CTTNBP2NL: variants seen among roughly 807,000 people sequenced by gnomAD.
CTTNBP2NL encodes CTTNBP2 N-terminal-like protein.
CTTNBP2NL carries 16 observed loss-of-function variants against 32.5 expected under a neutral mutation model. The ratio of observed to expected loss-of-function variants is 0.49; its 90% confidence interval spans 0.33 to 0.75. The LOEUF is 0.75. CTTNBP2NL is among the 30% of genes least tolerant of loss of function. CTTNBP2NL has a pLI of 0.02. For missense variants in CTTNBP2NL, 645 were observed against 756.0 expected (o/e 0.85, Z 1.72); for synonymous variants, 298 against 289.4 (o/e 1.03, Z -0.30).
chr1:112,415,682 G>T (rs572197634), intron 2 of CTTNBP2NL, among the ~76,000 whole-genome samples: 1 of 151,552 alleles, frequency 6.6e-6, no homozygotes, highest in Non-Finnish European at 1.5e-5. Flanking sequence ...TCAGCCTCCC[G>T]AGTAGCTGGG....
At chr1:112,393,419 T>C (rs1164403994), upstream of CTTNBP2NL, among the ~76,000 whole-genome samples, 11 of 152,316 alleles carry the variant, frequency 7.2e-5, no homozygotes, top group Non-Finnish European at 1.5e-5. Context: ...CCTGACACAA[T>C]AGGCATTTAA....
intron 3 of CTTNBP2NL, among the ~76,000 whole-genome samples, chr1:112,447,092 G>A (rs972309620): frequency 9.2e-5 from 14 of 151,984 alleles, no homozygotes; most frequent in Middle Eastern, 6.8e-3. Flanking sequence ...GGCTAACATG[G>A]TGAAACCCCG....
chr1:112,436,975 C>CA (rs1649754949), intron 3 of CTTNBP2NL, among the ~76,000 whole-genome samples: 1 of 152,174 alleles, frequency 6.6e-6, no homozygotes, highest in Admixed American at 6.5e-5. Flanking sequence ...GACATGATCT[C>CA]ATTCTTTTTT....
chr1:112,409,234 CTGAA>C (rs1648783709), intron 1 of CTTNBP2NL, among the ~76,000 whole-genome samples: 1 of 151,806 alleles, frequency 6.6e-6, no homozygotes, highest in South Asian at 2.1e-4. Flanking sequence ...TAAAAACTCA[CTGAA>C]TGACCTTAAT....
chr1:112,395,158 G>A (rs1157792961), upstream of CTTNBP2NL, among the ~76,000 whole-genome samples: 1 of 152,136 alleles, frequency 6.6e-6, no homozygotes, highest in Admixed American at 6.5e-5. Context: ...TAAGTTTAGG[G>A]ATAATGTATT....
At chr1:112,417,056 A>G (rs1303006457) in intron 3 of CTTNBP2NL, among the ~76,000 whole-genome samples, 3 of 152,158 alleles carry the variant, frequency 2.0e-5, no homozygotes, top group African/African-American at 4.8e-5. Context: ...CCCATTTATC[A>G]TCTGTCTCAA....
chr1:112,434,259 C>T (rs2101018827), intron 3 of CTTNBP2NL, among the ~76,000 whole-genome samples: 1 of 152,230 alleles, frequency 6.6e-6, no homozygotes, highest in African/African-American at 2.4e-5. Flanking sequence ...GCCTTTTTGA[C>T]TTGTGCACCT....
At chr1:112,439,028 G>T (rs112490097) in intron 3 of CTTNBP2NL, among the ~76,000 whole-genome samples, 11 of 152,072 alleles carry the variant, frequency 7.2e-5, no homozygotes, top group Admixed American at 1.3e-4. Flanking sequence ...TTCTTTCTAC[G>T]TAAGGCTACA....
At chr1:112,411,569 G>A (rs1648866987) in intron 1 of CTTNBP2NL, among the ~76,000 whole-genome samples, 1 of 152,150 alleles carries the variant, frequency 6.6e-6, no homozygotes, top group Admixed American at 6.5e-5. Context: ...AGCCTTTATA[G>A]ACAAAGTCGA....
At chr1:112,430,160 CTCTTTTCTT>C (rs1316322191) in intron 3 of CTTNBP2NL, among the ~76,000 whole-genome samples, 2 of 150,090 alleles carry the variant, frequency 1.3e-5, no homozygotes, top group East Asian at 1.9e-4. Context: ...TAAAAGCTAG[CTCTTTTCTT>C]TCTTTTCTTT....
chr1:112,416,407 T>A (rs1649065408), intron 3 of CTTNBP2NL, 143 bp downstream of exon 3: 1 of 563,656 alleles, frequency 1.8e-6, no homozygotes, highest in Non-Finnish European at 3.1e-6. Flanking sequence ...GGTAGCCACC[T>A]ACATTGTGTG....
chr1:112,452,335 C>CTTCTTTTTT (rs1553227272), intron 4 of CTTNBP2NL, among the ~76,000 whole-genome samples: 1 of 65,688 alleles, frequency 1.5e-5, no homozygotes, highest in African/African-American at 6.1e-5. Context: ...CCAGTCTCTT[C>CTTCTTTTTT]TTTTTTTTTT....
chr1:112,458,086 A>C lies in CTTNBP2NL; in HGVS notation c.*674A>C, dbSNP rs867186823. On this transcript the variant is annotated 3_prime_UTR_variant, in exon 6 of 6. Transcript: ENST00000271277. ...GCAGTTGGGGTGCTGATTTTCTTGT[A>C]CTTTTGAAAAATTAAGTCACTCCCA... 1 of 152,638 alleles carries C rather than the reference A, an allele frequency of 6.6e-6. No individual in the cohort carries two copies. Among genetic ancestry groups the C allele is most frequent in the South Asian group, 2.1e-4 (1 of 4,834 alleles). 9.5% of individuals were successfully genotyped at this position (152,638 alleles called of 1,614,324 possible).
intron 3 of CTTNBP2NL, among the ~76,000 whole-genome samples, chr1:112,437,827 T>TC (rs1299195797): frequency 1.3e-5 from 2 of 152,192 alleles, no homozygotes; most frequent in East Asian, 3.9e-4. Context: ...CCGGCCGAGT[T>TC]CCTTCCTTAT....
At chr1:112,427,460 C>T (rs1458536099) in intron 3 of CTTNBP2NL, among the ~76,000 whole-genome samples, 1 of 152,142 alleles carries the variant, frequency 6.6e-6, no homozygotes, top group Non-Finnish European at 1.5e-5. Flanking sequence ...TCTCAGGACA[C>T]CTACTGAGGA....
intron 1 of CTTNBP2NL, among the ~76,000 whole-genome samples, chr1:112,410,905 A>G (rs1648841236): frequency 6.6e-6 from 1 of 152,252 alleles, no homozygotes; most frequent in Admixed American, 6.5e-5. Context: ...GAAGATGACA[A>G]GTGACAGCTT....
chr1:112,442,095 A>G (rs574713120), intron 3 of CTTNBP2NL, among the ~76,000 whole-genome samples: 10 of 152,226 alleles, frequency 6.6e-5, no homozygotes, highest in African/African-American at 2.4e-4. Flanking sequence ...AGTGAACCCA[A>G]AAGTGCTCTA....
At chr1:112,409,245 T>C (rs549959679) in intron 1 of CTTNBP2NL, among the ~76,000 whole-genome samples, 1 of 152,272 alleles carries the variant, frequency 6.6e-6, no homozygotes, top group Admixed American at 6.5e-5. Context: ...TGAATGACCT[T>C]AATCTGAGTC....
At chr1:112,455,369 G>A (rs1212840962) in intron 5 of CTTNBP2NL, among the ~76,000 whole-genome samples, 1 of 152,108 alleles carries the variant, frequency 6.6e-6, no homozygotes, top group African/African-American at 2.4e-5. Context: ...GGCGGGTGTG[G>A]TGGCGCATGA....
Sources: gnomAD v4.1 joint callset for allele counts (sites outside exome capture counted in the v4.1 genomes callset) on GRCh38, gnomAD v4.1.1 for gene constraint, MANE v1.5 for transcripts, NCBI Gene and HGNC (gene_info 2026-07-23, HGNC 2026-07-21) for gene names.